The following AKAP6 variants were observed in gnomAD, a reference collection of about 807,000 sequenced individuals.
AKAP6 encodes A-kinase anchor protein 6.
AKAP6 carries 58 observed loss-of-function variants against 188.5 expected under a neutral mutation model. The observed-to-expected ratio is 0.31, with a 90% CI of 0.25 to 0.38. AKAP6 has a LOEUF of 0.38. Ranked by LOEUF, AKAP6 falls within the 10% of genes least tolerant of loss-of-function variation. The probability of loss-of-function intolerance (pLI) is 1.00; values close to 1 mark genes in which losing one functional copy is unlikely to be tolerated. For synonymous variants in AKAP6, 989 were observed against 998.6 expected, an observed-to-expected ratio of 0.99 and a Z score of 0.18; for missense variants, 2,710 against 2,740.0, an observed-to-expected ratio of 0.99 and a Z score of 0.24.
intron 1 of AKAP6, among the ~76,000 whole-genome samples, chr14:32,348,403 CTTTTCTTTTGTTTCTTT>C (rs1410500171): frequency 5.6e-5 from 7 of 125,600 alleles, no homozygotes; most frequent in Admixed American, 1.6e-4. Context: ...GGGGTTCTTT[CTTTTCTTTTGTTTCTTT>C]TTTTTTTTTT....
At chr14:32,707,810 T>G (rs1394473126) in intron 9 of AKAP6, among the ~76,000 whole-genome samples, 1 of 152,046 alleles carries the variant, frequency 6.6e-6, no homozygotes, top group East Asian at 1.9e-4. Context: ...CTTTTATATA[T>G]AAAACAAAAA....
At chr14:32,814,651 T>A (rs1177130633) in intron 12 of AKAP6, among the ~76,000 whole-genome samples, 1 of 152,214 alleles carries the variant, frequency 6.6e-6, no homozygotes, top group Non-Finnish European at 1.5e-5. Flanking sequence ...TTTCTCCAGA[T>A]CCCTTCAACA....
intron 7 of AKAP6, among the ~76,000 whole-genome samples, chr14:32,603,898 G>A (rs1886033176): frequency 1.3e-5 from 2 of 151,718 alleles, no homozygotes; most frequent in African/African-American, 4.8e-5. Flanking sequence ...CTCTCAACGA[G>A]CAAGAATTAT....
chr14:32,582,660 C>T (rs988962352), intron 5 of AKAP6, among the ~76,000 whole-genome samples: 4 of 152,112 alleles, frequency 2.6e-5, no homozygotes, highest in Admixed American at 6.5e-5. Context: ...TCACATAGTC[C>T]CATATTTCTT....
At chr14:32,626,547 A>G (rs1239101712) in intron 7 of AKAP6, among the ~76,000 whole-genome samples, 5 of 152,130 alleles carry the variant, frequency 3.3e-5, no homozygotes, top group Middle Eastern at 3.4e-3. Context: ...CCTTAGTTCT[A>G]TTGCATTTCC....
chr14:32,805,300 T>C (rs780102462), intron 12 of AKAP6, among the ~76,000 whole-genome samples: 13 of 152,196 alleles, frequency 8.5e-5, no homozygotes, highest in Non-Finnish European at 1.9e-4. Context: ...TTCTCATATA[T>C]TCATGGTTTT....
intron 1 of AKAP6, among the ~76,000 whole-genome samples, chr14:32,381,111 C>A (rs1888341805): frequency 6.6e-6 from 1 of 151,996 alleles, no homozygotes; most frequent in Non-Finnish European, 1.5e-5. Context: ...CTGATGGGGG[C>A]AGATCACTTG....
chr14:32,456,081 T>C (rs774703323), intron 2 of AKAP6, among the ~76,000 whole-genome samples: 36 of 152,270 alleles, frequency 2.4e-4, no homozygotes, highest in African/African-American at 8.7e-4. Flanking sequence ...AGGACAGATA[T>C]ATATGCATTT....
intron 8 of AKAP6, among the ~76,000 whole-genome samples, chr14:32,687,400 ATC>A (rs71115092): frequency 0.047 from 6,064 of 128,836 alleles, 141 homozygotes; most frequent in East Asian, 0.16. Flanking sequence ...CATACTAACT[ATC>A]TCTCTCTCTC....
chr14:32,796,056 G>A lies in AKAP6; in HGVS notation c.3588+22163G>A, dbSNP rs576866383. On this transcript the variant is annotated intron_variant, in intron 12 of 13. Coordinates refer to ENST00000280979, the MANE Select transcript of AKAP6 (RefSeq NM_004274.5). ...AATTGCTACAAAAAGTATAAAATAT[G>A]TAGGAATATAGCTAACAAGGGAAGT... Among the ~76,000 whole-genome samples, 9 of 152,138 alleles carry A rather than the reference G, an allele frequency of 5.9e-5. No individual in the cohort carries two copies. In the East Asian group the frequency reaches 1.7e-3, roughly 29 times the overall value.
intron 2 of AKAP6, among the ~76,000 whole-genome samples, chr14:32,456,057 A>G (rs1484689107): frequency 6.6e-6 from 1 of 151,974 alleles, no homozygotes; most frequent in Non-Finnish European, 1.5e-5. Context: ...GTGGTAGAGG[A>G]GCATATGTAG....
rs75178026 is a variant in AKAP6, at chr14:32,822,034, C to A, written c.4221C>A (p.Asn1407Lys). The part of the protein sequence containing the change: ...HLDPQMGDAV[N>K]VLKQKFTDEG... The stretch of plus-strand genomic sequence containing the variant: ...ACCCACAAATGGGAGATGCAGTTAA[C>A]GTGTTAAAGCAAAAATTTACAGATG... The change falls in exon 13 of 14, where the codon AAC becomes AAA. Residue 1407 changes from asparagine to lysine, a missense_variant. Physicochemically the swap from Asn to Lys is moderately conservative, Grantham distance 94. This residue lies in a region of AKAP6 where 2,473 missense variants were observed against 2,426.1 expected (regional missense o/e 1.02). Transcript: ENST00000280979. 1 of 1,613,884 alleles carries A rather than the reference C, an allele frequency of 6.2e-7. No individual in the cohort carries two copies. Among genetic ancestry groups the A allele is most frequent in the East Asian group, 2.2e-5 (1 of 44,872 alleles).
rs1383046290 is a variant in AKAP6 at position 32,735,870 on chromosome 14, G to A, written c.3360G>A (p.Leu1120=). The A allele has an allele frequency of 6.2e-7, 1 of 1,604,040 alleles. No individual in the cohort carries two copies. Among genetic ancestry groups the A allele is most frequent in the Non-Finnish European group, 8.5e-7 (1 of 1,175,868 alleles). Residue 1120 remains leucine, a synonymous_variant, in exon 11 of 14, where the codon CTG becomes CTA. Coordinates refer to ENST00000280979, the MANE Select transcript of AKAP6 (RefSeq NM_004274.5). ...GAACAATGAATACTGAGAAACAACT[G>A]CAATACTTTAAGGTAATAAAAAAAC... ...KEGTMNTEKQ[L]QYFKSLCREI... is the part of the protein sequence containing the mutation.
At chr14:32,702,421 T>G (rs1036693900) in intron 9 of AKAP6, among the ~76,000 whole-genome samples, 4 of 152,100 alleles carry the variant, frequency 2.6e-5, no homozygotes, top group Admixed American at 1.3e-4. Flanking sequence ...TTTTTTTCTT[T>G]TTTTGAGAGA....
intron 2 of AKAP6, among the ~76,000 whole-genome samples, chr14:32,522,387 C>T (rs1881888051): frequency 6.6e-6 from 1 of 152,242 alleles, no homozygotes; most frequent in Admixed American, 6.5e-5. Flanking sequence ...AAACTACCAT[C>T]AGAGTGAACA....
chr14:32,350,891 C>T lies in AKAP6; in HGVS notation c.-35+21483C>T, dbSNP rs184327485. Reference sequence around the variant, plus strand: ...TCTGAGTAGGAACTCCAAGCCTACCCCATTCTAATAGCACAGGTAAATAGC... The same window carrying T: ...TCTGAGTAGGAACTCCAAGCCTACCTCATTCTAATAGCACAGGTAAATAGC... On this transcript the variant is annotated intron_variant, in intron 1 of 13. Coordinates refer to ENST00000280979, the MANE Select transcript of AKAP6 (RefSeq NM_004274.5). Among the ~76,000 whole-genome samples the T allele has an allele frequency of 1.1e-3, 168 of 152,134 alleles. 1 individual carries two copies. Among genetic ancestry groups the T allele is most frequent in the Non-Finnish European group, 2.1e-3 (142 of 67,992 alleles).
At chr14:32,630,385 T>C (rs1260186549) in intron 7 of AKAP6, among the ~76,000 whole-genome samples, 2 of 152,100 alleles carry the variant, frequency 1.3e-5, no homozygotes, top group African/African-American at 4.8e-5. Context: ...CATGTTGCTA[T>C]TGTAAGGAAA....
intron 12 of AKAP6, among the ~76,000 whole-genome samples, chr14:32,780,595 A>G (rs1448546053): frequency 6.6e-6 from 1 of 152,194 alleles, no homozygotes; most frequent in African/African-American, 2.4e-5. Context: ...AAGTGCACAC[A>G]TAACATCTAC....
intron 12 of AKAP6, among the ~76,000 whole-genome samples, chr14:32,778,926 T>G (rs1421678697): frequency 1.4e-5 from 2 of 139,718 alleles, no homozygotes; most frequent in East Asian, 2.2e-4. Context: ...TAAAAAAAAA[T>G]AAAAGAAAAA....
Sources: allele counts gnomAD v4.1 joint callset (sites outside exome capture counted in the v4.1 genomes callset), GRCh38; gene constraint gnomAD v4.1.1; regional missense constraint gnomAD v4.1.1; transcripts MANE v1.5; gene names NCBI Gene and HGNC (gene_info 2026-07-23, HGNC 2026-07-21).